ABHD12B: variants seen among roughly 807,000 people sequenced by gnomAD.
ABHD12B encodes the protein abhydrolase domain containing 12B, also known as protein ABHD12B.
ABHD12B carries 42 observed loss-of-function variants against 50.4 expected under a neutral mutation model. The ratio of observed to expected loss-of-function variants is 0.83; its 90% CI spans 0.65 to 1.08. The LOEUF (loss-of-function observed/expected upper bound fraction) is 1.08, where lower values mean the gene tolerates loss of function less well. ABHD12B is among the 50% of genes least tolerant of loss of function. The probability of loss-of-function intolerance (pLI) is 0.00; values close to 1 mark genes in which losing one functional copy is unlikely to be tolerated. For synonymous variants in ABHD12B, 167 were observed against 160.3 expected (o/e 1.04, Z -0.32); for missense variants, 479 against 447.7 (o/e 1.07, Z -0.63).
At chr14:50,885,092 G>T (rs2050017594) in intron 5 of ABHD12B, among the ~76,000 whole-genome samples, 2 of 151,928 alleles carry the variant, frequency 1.3e-5, no homozygotes, top group Non-Finnish European at 2.9e-5. Context: ...AAATAACTTG[G>T]CCAAGGTCAC....
Position 50,885,830 on chromosome 14 carries a change from T to C in ABHD12B, c.597T>C (p.Tyr199=). ...TGACTACGGATGCCATTTGTGTCTA[T>C]GAGTGGACCAAGGCAAGAAGTGGCA... ...EGLTTDAICV[Y]EWTKARSGIT... is the part of the protein sequence containing the mutation. Residue 199 remains tyrosine, a synonymous_variant, in exon 7 of 13, where the codon TAT becomes TAC. Coordinates refer to ENST00000337334, the MANE Select transcript of ABHD12B (RefSeq NM_001206673.2). The C allele has an allele frequency of 1.2e-6, 2 of 1,614,190 alleles. No homozygotes were observed. Among genetic ancestry groups the C allele is most frequent in the African/African-American group, 1.3e-5 (1 of 75,054 alleles).
rs7154732 is a variant in ABHD12B, at chr14:50,904,131, T to C, written c.1000T>C (p.Phe334Leu). The C allele has an allele frequency of 0.041, 65,451 of 1,614,048 alleles. 1,763 individuals carry two copies. Among genetic ancestry groups the C allele is most frequent in the African/African-American group, 0.12 (9,304 of 75,014 alleles). ...RNKERVKMVI[F>L]PPGFQHNLLC... ...CAAAGAGAGGGTCAAGATGGTTATC[T>C]TTCCTCCTGGCTTCCAACACAACCT... Residue 334 changes from phenylalanine (F) to leucine (L), a missense_variant, in exon 12 of 13, where the codon TTT (phenylalanine) becomes CTT (leucine). Physicochemically the swap from Phe to Leu is conservative, Grantham distance 22. Transcript: ENST00000337334.
chr14:50,881,654 C>T, intron 5 of ABHD12B, 28 bp downstream of exon 5: 1 of 1,612,866 alleles, frequency 6.2e-7, no homozygotes. Context: ...TCAAAGCACC[C>T]ATTTCATAAG....
At chr14:50,884,818 C>A (rs186066102) in intron 5 of ABHD12B, among the ~76,000 whole-genome samples, 1 of 150,886 alleles carries the variant, frequency 6.6e-6, no homozygotes, top group East Asian at 1.9e-4. Context: ...TAGGTTCAAG[C>A]GATTCTCCTG....
chr14:50,881,112 G>A (rs1351616394), intron 4 of ABHD12B, among the ~76,000 whole-genome samples: 1 of 152,122 alleles, frequency 6.6e-6, no homozygotes, highest in Non-Finnish European at 1.5e-5. Context: ...TCCCAACCTC[G>A]CTCTGTAACA....
chr14:50,881,225 C>T (rs1396484339), intron 4 of ABHD12B, among the ~76,000 whole-genome samples: 2 of 152,104 alleles, frequency 1.3e-5, no homozygotes, highest in African/African-American at 4.8e-5. Flanking sequence ...TGACTGTGCC[C>T]CTGAAGCTTG....
In ABHD12B at chr14:50,876,267, C is replaced by G. The variant is rs375315616; in HGVS notation, c.105-1685C>G. Among the ~76,000 whole-genome samples the G allele has an allele frequency of 5.5e-4, 83 of 152,270 alleles. 1 individual carries two copies. In the East Asian group the frequency reaches 0.015, roughly 27 times the overall value. The stretch of plus-strand genomic sequence containing the variant: ...ATGTATTCAAAAATCTATCCATTAC[C>G]CTTAGCCCACATATCTTTTCCACTT... On this transcript the variant is annotated intron_variant, in intron 1 of 12. Coordinates refer to ENST00000337334, the MANE Select transcript of ABHD12B (RefSeq NM_001206673.2).
At position 50,885,631 on chromosome 14, in the gene ABHD12B, C is replaced by G; in HGVS notation, c.504C>G (p.Gly168=). The part of the protein sequence containing the change: ...LKLVKVLSDG[G]FHVLSVDYRG... ...TTACCTAGGTGCTGAGTGATGGTGG[C>G]TTTCATGTCTTGTCTGTTGACTACA... is the stretch of plus-strand genomic sequence containing the variant. The change falls in exon 6 of 13, where the codon GGC becomes GGG. Residue 168 remains glycine (G), a synonymous_variant. Transcript: ENST00000337334. 6.2e-7 allele frequency: 1 copy of G among 1,614,088 alleles called. No homozygotes were observed. The highest frequency in any genetic ancestry group is 8.5e-7 in the Non-Finnish European group (1 of 1,180,014).
chr14:50,878,921 G>T (rs1473844444), intron 3 of ABHD12B, 74 bp downstream of exon 3: 1 of 1,245,490 alleles, frequency 8.0e-7, no homozygotes, highest in East Asian at 2.3e-5. Flanking sequence ...GAGCAGTGCT[G>T]TGTTACCTGC....
intron 5 of ABHD12B, among the ~76,000 whole-genome samples, chr14:50,884,817 G>T (rs1207231090): frequency 2.7e-5 from 4 of 149,748 alleles, no homozygotes; most frequent in African/African-American, 9.9e-5. Flanking sequence ...CTAGGTTCAA[G>T]CGATTCTCCT....
intron 4 of ABHD12B, 112 bp downstream of exon 4, chr14:50,880,683 A>G: frequency 8.2e-7 from 1 of 1,222,038 alleles, no homozygotes; most frequent in Non-Finnish European, 1.1e-6. Context: ...GCCTTCACAT[A>G]TTTCTTCTCC....
At chr14:50,892,354 A>G (rs2050130702) in intron 9 of ABHD12B, 3 of 957,068 alleles carry the variant, frequency 3.1e-6, no homozygotes, top group African/African-American at 1.8e-5. Flanking sequence ...AGCACTGGAA[A>G]GGGGGAAGAG....
intron 9 of ABHD12B, chr14:50,892,149 C>T (rs1487125610): frequency 6.6e-6 from 1 of 152,410 alleles, no homozygotes; most frequent in Non-Finnish European, 1.5e-5. Context: ...AACATTGAGT[C>T]TTCAAATTCA....
At chr14:50,881,202 C>A (rs954360351) in intron 4 of ABHD12B, among the ~76,000 whole-genome samples, 1 of 152,098 alleles carries the variant, frequency 6.6e-6, no homozygotes, top group Admixed American at 6.5e-5. Context: ...TGTTGGGTGA[C>A]GATCATCGGC....
intron 10 of ABHD12B, among the ~76,000 whole-genome samples, chr14:50,902,308 C>T (rs944525503): frequency 7.2e-5 from 11 of 152,044 alleles, no homozygotes; most frequent in African/African-American, 1.4e-4. Flanking sequence ...CACAGGGAGA[C>T]ACCATCTCTA....
chr14:50,878,386 G>C (rs1253456857), intron 2 of ABHD12B, among the ~76,000 whole-genome samples: 1 of 152,156 alleles, frequency 6.6e-6, no homozygotes, highest in African/African-American at 2.4e-5. Context: ...TGATGATTAG[G>C]TTTCACCGAA....
At chr14:50,883,472 C>G (rs2049987804) in intron 5 of ABHD12B, among the ~76,000 whole-genome samples, 2 of 152,182 alleles carry the variant, frequency 1.3e-5, no homozygotes, top group Non-Finnish European at 2.9e-5. Flanking sequence ...TGCAGTGTTG[C>G]CCAGGAGTAC....
intron 9 of ABHD12B, chr14:50,892,412 A>T (rs974360027): frequency 1.0e-6 from 1 of 985,298 alleles, no homozygotes; most frequent in Non-Finnish European, 1.2e-6. Flanking sequence ...GGCCTGATTC[A>T]GGCGGGGTGC....
At chr14:50,902,737 T>C (rs2050275465) in intron 10 of ABHD12B, among the ~76,000 whole-genome samples, 1 of 152,168 alleles carries the variant, frequency 6.6e-6, no homozygotes, top group African/African-American at 2.4e-5. Flanking sequence ...TGTCAGTGAG[T>C]CACTGTGGCA....
Sources: allele counts gnomAD v4.1 joint callset (sites outside exome capture counted in the v4.1 genomes callset), GRCh38; gene constraint gnomAD v4.1.1; transcripts MANE v1.5; gene names NCBI Gene and HGNC (gene_info 2026-07-23, HGNC 2026-07-21).